C12orf75: variants seen among roughly 807,000 people sequenced by gnomAD.
C12orf75 encodes the protein chromosome 12 open reading frame 75.
A neutral mutation model predicts 11.4 loss-of-function variants in C12orf75; 4 were observed. The ratio of observed to expected loss-of-function variants is 0.35; its 90% confidence interval spans 0.17 to 0.80. The LOEUF (loss-of-function observed/expected upper bound fraction) is 0.80, where lower values mean the gene tolerates loss of function less well. C12orf75 is among the 30% of genes least tolerant of loss of function. C12orf75 has a pLI of 0.52. For synonymous variants in C12orf75, 30 were observed against 30.0 expected, an observed-to-expected ratio of 1.00 and a Z score of 0.00; for missense variants, 89 against 80.4, an observed-to-expected ratio of 1.11 and a Z score of -0.41.
At chr12:105,335,926 T>G (rs1370394698) in intron 1 of C12orf75, among the ~76,000 whole-genome samples, 1 of 152,258 alleles carries the variant, frequency 6.6e-6, no homozygotes, top group Non-Finnish European at 1.5e-5. Flanking sequence ...TAAGTTGGTG[T>G]GGGCACACTG....
intron 1 of C12orf75, among the ~76,000 whole-genome samples, chr12:105,335,408 T>G (rs1892487779): frequency 6.6e-6 from 1 of 152,218 alleles, no homozygotes; most frequent in Non-Finnish European, 1.5e-5. Flanking sequence ...GTAAAAATAA[T>G]ACAAAATTTT....
chr12:105,347,816 G>A (rs1892657774), intron 1 of C12orf75, among the ~76,000 whole-genome samples: 1 of 152,210 alleles, frequency 6.6e-6, no homozygotes, highest in African/African-American at 2.4e-5. Flanking sequence ...AGATGCATGT[G>A]ACTCTTTTTG....
chr12:105,349,529 C>T (rs1892684577), intron 2 of C12orf75, among the ~76,000 whole-genome samples: 1 of 152,186 alleles, frequency 6.6e-6, no homozygotes, highest in Non-Finnish European at 1.5e-5. Context: ...TTGGCTTACA[C>T]AGATGTGGGG....
chr12:105,365,996 C>A (rs975378582), intron 3 of C12orf75, 154 bp downstream of exon 3: 11 of 676,622 alleles, frequency 1.6e-5, no homozygotes, highest in Non-Finnish European at 3.0e-5. Flanking sequence ...TGAAAAAGAA[C>A]TTGCCCAGGA....
intron 2 of C12orf75, among the ~76,000 whole-genome samples, chr12:105,362,684 A>T (rs1327471839): frequency 6.6e-6 from 1 of 151,650 alleles, no homozygotes; most frequent in African/African-American, 2.4e-5. Flanking sequence ...AAAAAAAAAA[A>T]ATTGGAGAGC....
chr12:105,347,017 C>T (rs570088301), intron 1 of C12orf75, among the ~76,000 whole-genome samples: 1 of 152,096 alleles, frequency 6.6e-6, no homozygotes, highest in Non-Finnish European at 1.5e-5. Flanking sequence ...TCACAATAAC[C>T]TTTGAGAAAG....
chr12:105,358,908 C>CTGT (rs1892821914), intron 2 of C12orf75, among the ~76,000 whole-genome samples: 1 of 152,208 alleles, frequency 6.6e-6, no homozygotes, highest in Non-Finnish European at 1.5e-5. Context: ...CTGGGCACAG[C>CTGT]TGTAAAGCGG....
intron 2 of C12orf75, among the ~76,000 whole-genome samples, chr12:105,357,771 G>A (rs1017087185): frequency 2.1e-5 from 2 of 97,106 alleles, no homozygotes; most frequent in African/African-American, 7.0e-5. Context: ...AATGCCCAAT[G>A]TATTTTCTGT....
At chr12:105,347,378 G>C (rs960075196) in intron 1 of C12orf75, among the ~76,000 whole-genome samples, 1 of 152,216 alleles carries the variant, frequency 6.6e-6, no homozygotes, top group Non-Finnish European at 1.5e-5. Context: ...AAGCCAGTCC[G>C]AGTCCCAGAA....
Position 105,345,659 on chromosome 12 carries a change from C to CTTTTTTTTTTTTTT in C12orf75, c.47-2936_47-2923dup, listed in dbSNP as rs771376717. Among the ~76,000 whole-genome samples the CTTTTTTTTTTTTTT allele has an allele frequency of 2.4e-4, 18 of 73,498 alleles. 4 individuals are homozygous for CTTTTTTTTTTTTTT. Among genetic ancestry groups the CTTTTTTTTTTTTTT allele is most frequent in the East Asian group, 1.7e-3 (3 of 1,804 alleles). 48.2% of individuals were successfully genotyped at this position (73,498 alleles called of 152,430 possible). A position where few individuals can be genotyped will look rare whatever the true frequency, so the allele number is the denominator to read the frequency against. ...TCCTGATCTTGAATTAGTGTCTGGC[C>CTTTTTTTTTTTTTT]TTTTTTTTTTTTTTTTTTTTGAGAC... On this transcript the variant is annotated intron_variant, in intron 1 of 5. Coordinates refer to ENST00000443585, the MANE Select transcript of C12orf75 (RefSeq NM_001145199.2).
chr12:105,343,332 G>A (rs568883581), intron 1 of C12orf75, among the ~76,000 whole-genome samples: 1 of 152,248 alleles, frequency 6.6e-6, no homozygotes, highest in East Asian at 1.9e-4. Flanking sequence ...TAAACAGTAA[G>A]GAGCCAATTT....
In C12orf75 at chr12:105,339,392, A is replaced by AT. The variant is rs10638339; in HGVS notation, c.46+8471dup. On this transcript the variant is annotated intron_variant, in intron 1 of 5. Transcript: ENST00000443585. ...GAAGAGTGCTTTTTAAATCTTCAGT[A>AT]TTTTTTTTTTTTTTTTACAAATTCT... 1.8e-3 allele frequency among the ~76,000 whole-genome samples: 241 copies of AT among 136,502 alleles called. 3 individuals carry two copies. Among genetic ancestry groups the AT allele is most frequent in the Middle Eastern group, 0.015 (4 of 264 alleles). 89.6% of individuals were successfully genotyped at this position (136,502 alleles called of 152,430 possible).
intron 1 of C12orf75, among the ~76,000 whole-genome samples, chr12:105,337,329 A>C (rs1892510049): frequency 2.0e-5 from 3 of 152,054 alleles, no homozygotes; most frequent in African/African-American, 7.2e-5. Context: ...CAAACAAACA[A>C]AAACCAATGA....
At chr12:105,341,010 A>G (rs948732077) in intron 1 of C12orf75, among the ~76,000 whole-genome samples, 1 of 152,194 alleles carries the variant, frequency 6.6e-6, no homozygotes, top group Non-Finnish European at 1.5e-5. Context: ...CTCCAGATCT[A>G]TGAGTGCATA....
At chr12:105,370,029 T>A (rs747168628) in intron 5 of C12orf75, among the ~76,000 whole-genome samples, 113 of 152,210 alleles carry the variant, frequency 7.4e-4, no homozygotes, top group Non-Finnish European at 1.1e-3. Flanking sequence ...AAGTTCAAAG[T>A]TGATTTGGTT....
At chr12:105,344,964 GC>G (rs35063729) in intron 1 of C12orf75, among the ~76,000 whole-genome samples, 12 of 145,104 alleles carry the variant, frequency 8.3e-5, no homozygotes, top group African/African-American at 2.8e-4. Flanking sequence ...AAAATTCTAA[GC>G]CCCCCCCCAA....
At chr12:105,359,373 G>C (rs545807966) in intron 2 of C12orf75, among the ~76,000 whole-genome samples, 1 of 152,252 alleles carries the variant, frequency 6.6e-6, no homozygotes, top group African/African-American at 2.4e-5. Context: ...TTGCCCCTAA[G>C]TTGCTTCTCT....
rs1364427405 is a variant in C12orf75 at position 105,348,590 on chromosome 12, T to G, written c.47-12T>G. On this transcript the variant is annotated splice_polypyrimidine_tract_variant and intron_variant, in intron 1 of 5. Transcript: ENST00000443585. ...TCACACCAATACAAACCTATCTTCT[T>G]TTTTTCTCTAGGCCCTGCAGGAGCA... The G allele has an allele frequency of 5.2e-6, 8 of 1,529,386 alleles. No homozygotes were observed. Among genetic ancestry groups the G allele is most frequent in the Non-Finnish European group, 7.1e-6 (8 of 1,132,560 alleles). 94.7% of individuals were successfully genotyped at this position (1,529,386 alleles called of 1,614,324 possible). A position where few individuals can be genotyped will look rare whatever the true frequency, so the allele number is the denominator to read the frequency against.
chr12:105,339,806 C>T (rs1349218152), intron 1 of C12orf75, among the ~76,000 whole-genome samples: 4 of 151,856 alleles, frequency 2.6e-5, no homozygotes, highest in Middle Eastern at 3.4e-3. Flanking sequence ...TTAGTAGAGA[C>T]GGGGTTTCAC....
Sources: allele counts gnomAD v4.1 joint callset (sites outside exome capture counted in the v4.1 genomes callset), GRCh38; gene constraint gnomAD v4.1.1; transcripts MANE v1.5; gene names NCBI Gene and HGNC (gene_info 2026-07-23, HGNC 2026-07-21).